The following RIC1 variants were observed in gnomAD, a reference collection of about 807,000 sequenced individuals.
RIC1 encodes guanine nucleotide exchange factor subunit RIC1.
Under a neutral mutation model 169.0 loss-of-function variants are expected in RIC1, and 88 were observed. The ratio of observed to expected loss-of-function variants is 0.52; its 90% CI spans 0.44 to 0.62. RIC1 has a LOEUF of 0.62. Among genes scored for constraint, RIC1 ranks in the 20% least tolerant of loss-of-function variants. RIC1 has a pLI of 0.00. For missense variants in RIC1, 1,877 were observed against 1,725.5 expected (o/e 1.09, Z -1.56); for synonymous variants, 790 against 601.5 (o/e 1.31, Z -4.59).
chr9:5,735,550 C>T (rs930138814), intron 7 of RIC1, among the ~76,000 whole-genome samples: 2 of 152,206 alleles, frequency 1.3e-5, no homozygotes, highest in Non-Finnish European at 2.9e-5. Flanking sequence ...TACGAGACTA[C>T]AAGTTCTCTT....
Position 5,775,035 on chromosome 9 carries a change from A to C in RIC1, c.*789A>C, listed in dbSNP as rs1378777828. ...TTTAGGGCTTGTATTATAATTTGCA[A>C]GGTTTTAATGCTGGATTCTGCATGT... On this transcript the variant is annotated 3_prime_UTR_variant, in exon 26 of 26. Coordinates refer to ENST00000414202, the MANE Select transcript of RIC1 (RefSeq NM_020829.4). 6.6e-6 allele frequency: 1 copy of C among 152,244 alleles called. No homozygotes were observed. The highest frequency in any genetic ancestry group is 1.9e-4 in the East Asian group (1 of 5,208). The allele number at this position is 152,244 out of a possible 1,614,324, so 9.4% of individuals were successfully genotyped here. A position where few individuals can be genotyped will look rare whatever the true frequency, so the allele number is the denominator to read the frequency against.
intron 2 of RIC1, among the ~76,000 whole-genome samples, chr9:5,683,163 A>C (rs974857238): frequency 1.3e-5 from 2 of 152,132 alleles, no homozygotes; most frequent in Admixed American, 1.3e-4. Flanking sequence ...GTCATTTTCC[A>C]TCAAGCTTTG....
intron 22 of RIC1, chr9:5,769,583 C>T (rs764823431): frequency 9.8e-5 from 68 of 693,636 alleles, no homozygotes; most frequent in Non-Finnish European, 1.3e-4. Context: ...ATCAGATAGA[C>T]ATGGACCTCA....
At chr9:5,737,803 A>G (rs912916013) in intron 7 of RIC1, among the ~76,000 whole-genome samples, 2 of 150,838 alleles carry the variant, frequency 1.3e-5, no homozygotes, top group African/African-American at 4.9e-5. Context: ...ATATATTAAT[A>G]TTATATATTG....
chr9:5,759,934 A>G (rs959523630), intron 17 of RIC1, among the ~76,000 whole-genome samples: 2 of 152,208 alleles, frequency 1.3e-5, no homozygotes, highest in African/African-American at 4.8e-5. Context: ...TATCCCAGAT[A>G]GAGTAGGCAA....
chr9:5,777,125 C>T (rs1444723839), downstream of RIC1, among the ~76,000 whole-genome samples: 1 of 152,066 alleles, frequency 6.6e-6, no homozygotes, highest in Non-Finnish European at 1.5e-5. Context: ...TGTAAATCTT[C>T]TCGTAGGATT....
At chr9:5,698,152 A>G (rs1822013387) in intron 3 of RIC1, among the ~76,000 whole-genome samples, 1 of 152,220 alleles carries the variant, frequency 6.6e-6, no homozygotes, top group African/African-American at 2.4e-5. Context: ...TATCTCCTGC[A>G]CAGAAGAATT....
At chr9:5,723,008 A>C (rs1410913296) in intron 6 of RIC1, among the ~76,000 whole-genome samples, 1 of 152,234 alleles carries the variant, frequency 6.6e-6, no homozygotes, top group African/African-American at 2.4e-5. Flanking sequence ...ATAGTGCCAC[A>C]ATAAACATAC....
chr9:5,724,060 A>T (rs1823791278), intron 6 of RIC1, among the ~76,000 whole-genome samples: 1 of 152,130 alleles, frequency 6.6e-6, no homozygotes, highest in African/African-American at 2.4e-5. Flanking sequence ...TTGGTTCCAT[A>T]TGAACTTTAA....
intron 21 of RIC1, among the ~76,000 whole-genome samples, chr9:5,768,184 T>C (rs377443955): frequency 2.8e-4 from 42 of 152,208 alleles, no homozygotes; most frequent in African/African-American, 9.6e-4. Context: ...CATTAGCTCA[T>C]GTAAGTCAGG....
intron 3 of RIC1, among the ~76,000 whole-genome samples, chr9:5,701,771 A>G (rs570094808): frequency 1.3e-5 from 2 of 152,294 alleles, no homozygotes; most frequent in South Asian, 4.1e-4. Flanking sequence ...CTGTTCTTCC[A>G]AACAATTTTG....
At chr9:5,629,711 C>T (rs1817625102) in intron 1 of RIC1, among the ~76,000 whole-genome samples, 1 of 151,814 alleles carries the variant, frequency 6.6e-6, no homozygotes, top group Admixed American at 6.5e-5. Context: ...GACCGACGGC[C>T]GCGGCGTGCA....
intron 8 of RIC1, among the ~76,000 whole-genome samples, chr9:5,740,723 C>A (rs534029755): frequency 1.3e-5 from 2 of 151,770 alleles, no homozygotes; most frequent in South Asian, 4.2e-4. Flanking sequence ...TAGATTGTGC[C>A]CACCCAGATT....
intron 1 of RIC1, among the ~76,000 whole-genome samples, chr9:5,635,698 G>A (rs925307469): frequency 2.0e-5 from 3 of 152,170 alleles, no homozygotes; most frequent in Non-Finnish European, 4.4e-5. Context: ...GGACCTGGTA[G>A]GGGGTCATTA....
At chr9:5,636,257 C>A (rs112629293) in intron 1 of RIC1, among the ~76,000 whole-genome samples, 3 of 152,044 alleles carry the variant, frequency 2.0e-5, no homozygotes. Flanking sequence ...TGTTTAGTGG[C>A]GGTTAAATGT....
At position 5,774,319 on chromosome 9, in the gene RIC1, G is replaced by A. The variant is rs1586741412; in HGVS notation, c.*73G>A. 2 of 1,326,556 alleles carry A rather than the reference G, an allele frequency of 1.5e-6. No homozygotes were observed. Among genetic ancestry groups the A allele is most frequent in the East Asian group, 2.3e-5 (1 of 42,816 alleles). 82.2% of individuals were successfully genotyped at this position (1,326,556 alleles called of 1,614,324 possible). ...CAGCTCAGTACGTTGTAACATAGTT[G>A]GATGATTTAACAGGAGAACTCAGTT... is the stretch of plus-strand genomic sequence containing the variant. On this transcript the variant is annotated 3_prime_UTR_variant, in exon 26 of 26. Coordinates refer to ENST00000414202, the MANE Select transcript of RIC1 (RefSeq NM_020829.4).
rs1245276754 is a variant in RIC1, at chr9:5,763,322, C to T, written c.2295C>T (p.Ser765=). The T allele has an allele frequency of 6.2e-6, 10 of 1,614,162 alleles. No homozygotes were observed. The highest frequency in any genetic ancestry group is 7.6e-6 in the Non-Finnish European group (9 of 1,180,018). Reference sequence around the variant, plus strand: ...ACCGCAAGCCCCATTCCTTCTTGTCCCAGCGGATCATGCTGCCTTTCCACA... The same window carrying T: ...ACCGCAAGCCCCATTCCTTCTTGTCTCAGCGGATCATGCTGCCTTTCCACA... ...RDHRKPHSFL[S]QRIMLPFHIN... is the part of the protein sequence containing the mutation. The change falls in exon 19 of 26, where the codon TCC becomes TCT. Residue 765 remains serine, a synonymous_variant. Transcript: ENST00000414202. The surrounding 1 kb of genome is among the most constrained non-coding windows in gnomAD (Gnocchi z 5.2).
At chr9:5,680,169 C>T (rs1820729922) in intron 2 of RIC1, among the ~76,000 whole-genome samples, 1 of 152,176 alleles carries the variant, frequency 6.6e-6, no homozygotes, top group Admixed American at 6.5e-5. Context: ...GTTGAACCAG[C>T]CTTGCATCCC....
chr9:5,735,357 A>T (rs921996365), intron 7 of RIC1, among the ~76,000 whole-genome samples: 3 of 152,232 alleles, frequency 2.0e-5, no homozygotes, highest in Admixed American at 6.5e-5. Context: ...AGCAGTGGCA[A>T]GTGTGCAGTT....
Sources: allele counts gnomAD v4.1 joint callset (sites outside exome capture counted in the v4.1 genomes callset), GRCh38; gene constraint gnomAD v4.1.1; non-coding constraint Gnocchi (gnomAD v3.1); transcripts MANE v1.5; gene names NCBI Gene and HGNC (gene_info 2026-07-23, HGNC 2026-07-21).